Variants in ADAMTSL1 observed in about 807,000 individuals in gnomAD.
ADAMTSL1 encodes ADAMTS-like protein 1.
Under a neutral mutation model 201.8 loss-of-function variants are expected in ADAMTSL1, and 126 were observed. The observed-to-expected ratio is 0.62, with a 90% confidence interval of 0.54 to 0.72. The LOEUF (loss-of-function observed/expected upper bound fraction) is 0.72, where lower values mean the gene tolerates loss of function less well. Ranked by LOEUF, ADAMTSL1 falls within the 30% of genes least tolerant of loss-of-function variation. The probability of loss-of-function intolerance (pLI) is 0.00; values close to 1 mark genes in which losing one functional copy is unlikely to be tolerated. For missense variants in ADAMTSL1, 2,679 were observed against 2,277.8 expected (o/e 1.18, Z -3.59); for synonymous variants, 1,121 against 903.4 (o/e 1.24, Z -4.32).
intron 1 of ADAMTSL1, among the ~76,000 whole-genome samples, chr9:17,927,623 T>C (rs915888819): frequency 9.2e-5 from 14 of 152,074 alleles, no homozygotes; most frequent in African/African-American, 3.4e-4. Context: ...TGTACAGACT[T>C]TTTTCCTTGT....
intron 2 of ADAMTSL1, among the ~76,000 whole-genome samples, chr9:18,351,530 G>A (rs1347085488): frequency 6.6e-6 from 1 of 152,006 alleles, no homozygotes; most frequent in Non-Finnish European, 1.5e-5. Flanking sequence ...TTCCCAAGGA[G>A]GGTCGAGAGA....
chr9:18,293,607 T>C (rs533972632), intron 2 of ADAMTSL1, among the ~76,000 whole-genome samples: 1 of 152,318 alleles, frequency 6.6e-6, no homozygotes, highest in East Asian at 1.9e-4. Flanking sequence ...TCTCAGGCCA[T>C]ACCAGAGTAA....
At chr9:18,187,275 C>G (rs1203407852) in intron 2 of ADAMTSL1, among the ~76,000 whole-genome samples, 1 of 152,084 alleles carries the variant, frequency 6.6e-6, no homozygotes, top group Non-Finnish European at 1.5e-5. Flanking sequence ...GGTGAAAACA[C>G]AATGTTTATC....
At chr9:18,177,852 C>T (rs1376580525) in intron 2 of ADAMTSL1, among the ~76,000 whole-genome samples, 1 of 152,172 alleles carries the variant, frequency 6.6e-6, no homozygotes, top group Non-Finnish European at 1.5e-5. Flanking sequence ...AGAATGGGTA[C>T]TGGAGTGAGC....
intron 1 of ADAMTSL1, among the ~76,000 whole-genome samples, chr9:18,129,975 C>T (rs183227294): frequency 6.6e-6 from 1 of 152,272 alleles, no homozygotes; most frequent in East Asian, 1.9e-4. Context: ...CGCTGCCAGC[C>T]TACATCAGTC....
chr9:18,499,849 T>C (rs1822740192), intron 1 of ADAMTSL1, among the ~76,000 whole-genome samples: 1 of 152,206 alleles, frequency 6.6e-6, no homozygotes, highest in Non-Finnish European at 1.5e-5. Flanking sequence ...ACTTCAATTT[T>C]ACAAAAAACT....
intron 2 of ADAMTSL1, among the ~76,000 whole-genome samples, chr9:18,405,620 GA>G (rs930089368): frequency 5.9e-5 from 8 of 134,834 alleles, no homozygotes; most frequent in African/African-American, 2.4e-4. Context: ...GCAAAACTTG[GA>G]AAAACAGAAG....
chr9:18,533,276 G>T lies in ADAMTSL1; in HGVS notation c.221G>T (p.Arg74Ile), dbSNP rs575280035. 1 of 1,608,914 alleles carries T rather than the reference G, an allele frequency of 6.2e-7. No homozygotes were observed. The highest frequency in any genetic ancestry group is 1.3e-5 in the African/African-American group (1 of 74,854). ...KSCEGRNIRY[R>I]TCSNVDCPPE... The stretch of plus-strand genomic sequence containing the variant: ...TGTGAAGGAAGAAATATCCGATACA[G>T]AACATGCAGTAATGTGGTAAGTATA... The change falls in exon 3 of 29, where the codon AGA becomes ATA. Residue 74 changes from arginine (R) to isoleucine (I), a missense_variant. Arg to Ile is a moderately conservative substitution (Grantham distance 97). Transcript: ENST00000380548.
At chr9:18,360,749 C>T (rs1335381595) in intron 2 of ADAMTSL1, 1 of 152,144 alleles carries the variant, frequency 6.6e-6, no homozygotes, top group Middle Eastern at 3.2e-3. Flanking sequence ...TAACATCTAA[C>T]ATGAAAAATC....
rs987128238 is a variant in ADAMTSL1, at chr9:18,556,681, A to G, written c.238-17349A>G. Among the ~76,000 whole-genome samples the G allele has an allele frequency of 4.6e-5, 7 of 152,126 alleles. No homozygotes were observed. In the South Asian group the frequency reaches 1.0e-3, roughly 23 times the overall value. On this transcript the variant is annotated intron_variant, in intron 3 of 28. Transcript: ENST00000380548. The stretch of plus-strand genomic sequence containing the variant: ...ATATGTCCATGCTCCAAGATCAACA[A>G]ACTAAGAAGTATGAGCACATTTGAA...
At chr9:18,631,554 C>G (rs1826774578) in intron 5 of ADAMTSL1, among the ~76,000 whole-genome samples, 1 of 152,120 alleles carries the variant, frequency 6.6e-6, no homozygotes, top group Non-Finnish European at 1.5e-5. Context: ...TCTTTAAAAA[C>G]ATGAACTCAT....
chr9:18,305,732 A>G (rs1160264789), intron 2 of ADAMTSL1, among the ~76,000 whole-genome samples: 1 of 152,220 alleles, frequency 6.6e-6, no homozygotes, highest in African/African-American at 2.4e-5. Context: ...GCAAACTCCC[A>G]TCTCCTTGGG....
Position 18,308,774 on chromosome 9 carries a change from C to A in ADAMTSL1, c.207+144793C>A, listed in dbSNP as rs145879540. ...CCAGAGGTACAAAGAGGAGCTGGTA[C>A]CATTTCTTCTGAAACTATTCCAAAC... On this transcript the variant is annotated intron_variant, in intron 2 of 29. Coordinates refer to the ADAMTSL1 transcript ENST00000680146. Among the ~76,000 whole-genome samples, 421 of 152,260 alleles carry A rather than the reference C, an allele frequency of 2.8e-3. 1 individual carries two copies. The highest frequency in any genetic ancestry group is 9.3e-3 in the African/African-American group (385 of 41,560).
chr9:18,654,855 G>A (rs1828525031), intron 7 of ADAMTSL1, among the ~76,000 whole-genome samples: 1 of 152,210 alleles, frequency 6.6e-6, no homozygotes, highest in Non-Finnish European at 1.5e-5. Flanking sequence ...GCTTTCCAAA[G>A]TCATGACATC....
intron 2 of ADAMTSL1, among the ~76,000 whole-genome samples, chr9:18,220,055 T>C (rs1007138699): frequency 1.3e-5 from 2 of 152,182 alleles, no homozygotes; most frequent in Non-Finnish European, 2.9e-5. Context: ...TATGATTTTA[T>C]TGGGGGTGTT....
At chr9:18,365,071 A>G (rs73430981) in intron 2 of ADAMTSL1, among the ~76,000 whole-genome samples, 3,366 of 152,192 alleles carry the variant, frequency 0.022, 115 homozygotes, top group African/African-American at 0.075. Flanking sequence ...TGTACCCTAT[A>G]TAGGGTCTGG....
chr9:18,309,088 A>G (rs1834018491), intron 2 of ADAMTSL1, among the ~76,000 whole-genome samples: 2 of 152,190 alleles, frequency 1.3e-5, no homozygotes, highest in Admixed American at 6.5e-5. Context: ...CAAAAACCAC[A>G]TGATTATCTC....
chr9:18,824,532 ACT>A (rs1218786925), intron 21 of ADAMTSL1, among the ~76,000 whole-genome samples: 1 of 151,836 alleles, frequency 6.6e-6, no homozygotes, highest in Non-Finnish European at 1.5e-5. Flanking sequence ...CTTTGAAGAC[ACT>A]CTGCATTCTC....
chr9:17,953,414 G>A (rs758698937), intron 1 of ADAMTSL1, among the ~76,000 whole-genome samples: 32 of 152,140 alleles, frequency 2.1e-4, no homozygotes, highest in Non-Finnish European at 3.8e-4. Flanking sequence ...GGGGAGAATA[G>A]AAAACTAGCT....
Sources: gnomAD v4.1 joint callset for allele counts (sites outside exome capture counted in the v4.1 genomes callset) on GRCh38, gnomAD v4.1.1 for gene constraint, MANE v1.5 for transcripts, NCBI Gene and HGNC (gene_info 2026-07-23, HGNC 2026-07-21) for gene names.